KCNMA1: variants seen among roughly 807,000 people sequenced by gnomAD.
KCNMA1 encodes the protein Calcium-activated potassium channel subunit alpha-1.
KCNMA1 carries 29 observed loss-of-function variants against 140.0 expected under a neutral mutation model. The ratio of observed to expected loss-of-function variants is 0.21; its 90% CI spans 0.15 to 0.28. KCNMA1 has a LOEUF of 0.28. KCNMA1 is among the 10% of genes least tolerant of loss of function. KCNMA1 has a pLI of 1.00. For synonymous variants in KCNMA1, 612 were observed against 611.9 expected, an observed-to-expected ratio of 1.00 and a Z score of 0.00; for missense variants, 880 against 1,602.2, an observed-to-expected ratio of 0.55 and a Z score of 7.70.
At chr10:77,465,235 G>C (rs7910415) in intron 1 of KCNMA1, among the ~76,000 whole-genome samples, 306 of 152,282 alleles carry the variant, frequency 2.0e-3, no homozygotes, top group African/African-American at 7.2e-3. Context: ...CCTTCCCTGG[G>C]CTTTGGGAAG....
At chr10:77,280,194 C>T (rs183584423) in intron 2 of KCNMA1, among the ~76,000 whole-genome samples, 6 of 152,246 alleles carry the variant, frequency 3.9e-5, no homozygotes, top group Non-Finnish European at 7.4e-5. Flanking sequence ...TTCATCAATG[C>T]GCTAGAAACA....
Position 77,239,966 on chromosome 10 carries a change from T to A in KCNMA1, c.602+11229A>T, listed in dbSNP as rs577616896. On this transcript the variant is annotated intron_variant, in intron 3 of 27. Coordinates refer to ENST00000286628, the MANE Select transcript of KCNMA1 (RefSeq NM_001161352.2). ...AGAAACTAAATCAAGTTTCATACAA[T>A]GTGCCCATTTAGCTAAGTAAGTCAG... Among the ~76,000 whole-genome samples the A allele has an allele frequency of 3.0e-3, 459 of 152,368 alleles. 2 individuals are homozygous for A. The highest frequency in any genetic ancestry group is 0.01 in the African/African-American group (434 of 41,592).
chr10:77,379,825 G>T (rs3110032), intron 2 of KCNMA1, among the ~76,000 whole-genome samples: 148,886 of 152,226 alleles, frequency 0.98, 72,838 homozygotes, highest in East Asian at 1. Context: ...ACTGTATTAT[G>T]TTTCAATACA....
intron 1 of KCNMA1, among the ~76,000 whole-genome samples, chr10:77,582,098 T>C (rs914632674): frequency 6.6e-6 from 1 of 152,168 alleles, no homozygotes; most frequent in East Asian, 1.9e-4. Flanking sequence ...TCCAGCAAGA[T>C]CAAATGCAAT....
chr10:77,110,278 A>G lies in KCNMA1; in HGVS notation c.1026T>C (p.Cys342=), dbSNP rs748702477. The change falls in exon 8 of 28, where the codon TGT becomes TGC. Residue 342 remains cysteine (C), a synonymous_variant. Coordinates refer to ENST00000286628, the MANE Select transcript of KCNMA1 (RefSeq NM_001161352.2). ...ACATTGTGACCATGAGTAAATAGACACATTCCCAGTAGGTGAGAGCCTGGT... is the reference window on the plus strand; with the variant it reads ...ACATTGTGACCATGAGTAAATAGACGCATTCCCAGTAGGTGAGAGCCTGGT... ...QNNQALTYWE[C]VYLLMVTMST... 12 of 1,613,806 alleles carry G rather than the reference A, an allele frequency of 7.4e-6. No homozygotes were observed. The highest frequency in any genetic ancestry group is 9.3e-6 in the Non-Finnish European group (11 of 1,179,760).
At chr10:77,024,232 C>T (rs1209235846) in intron 16 of KCNMA1, among the ~76,000 whole-genome samples, 2 of 152,158 alleles carry the variant, frequency 1.3e-5, no homozygotes, top group African/African-American at 2.4e-5. Context: ...GGTGCAACCA[C>T]TGTGGACCTT....
chr10:77,463,127 C>T (rs1472054229), intron 1 of KCNMA1, among the ~76,000 whole-genome samples: 2 of 152,154 alleles, frequency 1.3e-5, no homozygotes, highest in Non-Finnish European at 2.9e-5. Context: ...GTGAGGAGCT[C>T]ACTTCTACCT....
At chr10:76,904,756 A>T (rs1307591352) in intron 25 of KCNMA1, 4 of 152,274 alleles carry the variant, frequency 2.6e-5, no homozygotes, top group Non-Finnish European at 4.4e-5. Context: ...GAAAATGGAC[A>T]TCATGTGCAC....
rs547471466 is a variant in KCNMA1, at chr10:77,005,849, T to A, written c.2093-4269A>T. ...TAATGGACATCATCAAAACTATTTG[T>A]TTACTCTTGAGTGTTTAAAACAAAA... On this transcript the variant is annotated intron_variant, in intron 18 of 27. Coordinates refer to ENST00000286628, the MANE Select transcript of KCNMA1 (RefSeq NM_001161352.2). Among the ~76,000 whole-genome samples, 12 of 152,342 alleles carry A rather than the reference T, an allele frequency of 7.9e-5. No individual in the cohort carries two copies. The South Asian group carries it at 1.2e-3, about 16-fold the overall frequency.
chr10:77,563,215 A>C (rs2066982827), intron 1 of KCNMA1, among the ~76,000 whole-genome samples: 1 of 152,222 alleles, frequency 6.6e-6, no homozygotes, highest in South Asian at 2.1e-4. Flanking sequence ...TCACAGAGGC[A>C]GCACCTCTGC....
intron 5 of KCNMA1, among the ~76,000 whole-genome samples, chr10:77,126,264 A>C (rs111739597): frequency 2.5e-4 from 38 of 152,194 alleles, no homozygotes; most frequent in Non-Finnish European, 5.0e-4. Flanking sequence ...AAAAGCTTCC[A>C]GGTTCAGAGA....
At chr10:77,392,846 T>C (rs1240007004) in intron 2 of KCNMA1, among the ~76,000 whole-genome samples, 1 of 152,194 alleles carries the variant, frequency 6.6e-6, no homozygotes, top group Middle Eastern at 3.2e-3. Context: ...AACCAGCCTG[T>C]CCCTGCCCTG....
intron 1 of KCNMA1, among the ~76,000 whole-genome samples, chr10:77,546,709 C>T (rs1051920610): frequency 2.0e-5 from 3 of 152,228 alleles, no homozygotes; most frequent in Non-Finnish European, 4.4e-5. Flanking sequence ...TAGCATGTCC[C>T]CTTCAGGCCT....
At chr10:77,084,814 T>G in intron 11 of KCNMA1, 95 bp from the exon 12 acceptor site, 2 of 875,754 alleles carry the variant, frequency 2.3e-6, no homozygotes, top group Non-Finnish European at 3.7e-6. Flanking sequence ...TGGGGAAGCT[T>G]TGCAAAGAAA....
intron 1 of KCNMA1, among the ~76,000 whole-genome samples, chr10:77,585,373 G>A (rs772606628): frequency 4.6e-5 from 7 of 152,258 alleles, no homozygotes; most frequent in Admixed American, 6.5e-5. Context: ...GGCCGTTGTC[G>A]CAGTTGTATG....
rs1405801488 is a variant in KCNMA1 at position 76,998,029 on chromosome 10, C to T, written c.2266+3378G>A. On this transcript the variant is annotated intron_variant, in intron 19 of 27. Coordinates refer to ENST00000286628, the MANE Select transcript of KCNMA1 (RefSeq NM_001161352.2). ...TTGTCTTTCCTAAACTAGTCCTTCC[C>T]CTCTGAAGTTCTTTTGGTCAACACA... Among the ~76,000 whole-genome samples the T allele has an allele frequency of 3.9e-5, 6 of 152,270 alleles. No homozygotes were observed. In the East Asian group the frequency reaches 1.2e-3, roughly 29 times the overall value.
At chr10:76,889,833 C>T in intron 26 of KCNMA1, 4 of 520,210 alleles carry the variant, frequency 7.7e-6, no homozygotes, top group Non-Finnish European at 1.4e-5. Context: ...GGTTTGAAAG[C>T]TCTAAGGAGA....
At chr10:77,417,374 T>C (rs748937704) in intron 1 of KCNMA1, among the ~76,000 whole-genome samples, 5 of 152,214 alleles carry the variant, frequency 3.3e-5, no homozygotes, top group Admixed American at 1.3e-4. Flanking sequence ...CACGTACCGA[T>C]TGAGTAAATT....
chr10:77,263,036 C>T (rs2062441536), intron 2 of KCNMA1, among the ~76,000 whole-genome samples: 1 of 152,120 alleles, frequency 6.6e-6, no homozygotes, highest in Admixed American at 6.5e-5. Context: ...ATTCTGAGAA[C>T]CCACAAGTAG....
Sources: gnomAD v4.1 joint callset for allele counts (sites outside exome capture counted in the v4.1 genomes callset) on GRCh38, gnomAD v4.1.1 for gene constraint, MANE v1.5 for transcripts, NCBI Gene and HGNC (gene_info 2026-07-23, HGNC 2026-07-21) for gene names.